Variants in MS4A5 observed in about 807,000 individuals in gnomAD.
MS4A5 encodes the protein membrane-spanning 4-domains subfamily A member 5.
In MS4A5, 15 loss-of-function variants were observed where a neutral mutation model predicts 18.2. The observed-to-expected ratio is 0.83, with a 90% CI of 0.55 to 1.27. The LOEUF (loss-of-function observed/expected upper bound fraction) is 1.27, where lower values mean the gene tolerates loss of function less well. Ranked by LOEUF, MS4A5 falls within the 50% of genes most tolerant of loss-of-function variation. MS4A5 has a pLI of 0.00. For missense variants in MS4A5, 232 were observed against 225.7 expected (o/e 1.03, Z -0.18); for synonymous variants, 89 against 78.7 (o/e 1.13, Z -0.69).
chr11:60,431,011 T>C (rs1265810340), intron 2 of MS4A5, 87 bp downstream of exon 2: 5 of 1,461,198 alleles, frequency 3.4e-6, no homozygotes, highest in Middle Eastern at 1.8e-4. Context: ...TAGATCCAGT[T>C]GTATGACATG....
At chr11:60,435,851 G>C (rs2086077039) in intron 4 of MS4A5, among the ~76,000 whole-genome samples, 1 of 152,132 alleles carries the variant, frequency 6.6e-6, no homozygotes, top group Non-Finnish European at 1.5e-5. Flanking sequence ...AGCAAGGCTG[G>C]GGGAGGGGCG....
intron 4 of MS4A5, among the ~76,000 whole-genome samples, chr11:60,446,000 T>C (rs922596848): frequency 1.3e-5 from 2 of 152,186 alleles, no homozygotes; most frequent in African/African-American, 2.4e-5. Context: ...AACCCAGATG[T>C]CTATCTCTAC....
chr11:60,429,698 T>C lies in MS4A5; in HGVS notation c.24T>C (p.Ser8=). The change falls in exon 1 of 5, where the codon AGT becomes AGC. Residue 8 remains serine, a synonymous_variant. Coordinates refer to ENST00000300190, the MANE Select transcript of MS4A5 (RefSeq NM_023945.3). MDSSTAH[S]PVFLVFPPEI... Reference sequence around the variant, plus strand: ...TCATGGATTCAAGCACCGCACACAGTCCGGTGTTTCTGGTATTTCCTCCAG... The same window carrying C: ...TCATGGATTCAAGCACCGCACACAGCCCGGTGTTTCTGGTATTTCCTCCAG... The C allele has an allele frequency of 6.2e-7, 1 of 1,613,650 alleles. No individual in the cohort carries two copies. Among genetic ancestry groups the C allele is most frequent in the Non-Finnish European group, 8.5e-7 (1 of 1,179,886 alleles).
intron 3 of MS4A5, among the ~76,000 whole-genome samples, chr11:60,433,193 C>T (rs1188227994): frequency 1.3e-5 from 2 of 152,166 alleles, no homozygotes; most frequent in African/African-American, 4.8e-5. Context: ...GAAAGGCAAA[C>T]TGTAGACAAT....
At chr11:60,437,682 T>C (rs1310513959) in intron 4 of MS4A5, among the ~76,000 whole-genome samples, 2 of 150,902 alleles carry the variant, frequency 1.3e-5, no homozygotes, top group Non-Finnish European at 3.0e-5. Context: ...AAGAAGGCCA[T>C]TACATAATGG....
chr11:60,435,674 G>A (rs188647958), intron 4 of MS4A5, among the ~76,000 whole-genome samples: 1 of 152,202 alleles, frequency 6.6e-6, no homozygotes, highest in Admixed American at 6.5e-5. Flanking sequence ...GGTGACGGAC[G>A]GCACCTAGAA....
chr11:60,434,972 C>A (rs537207201), intron 4 of MS4A5, among the ~76,000 whole-genome samples: 2 of 152,338 alleles, frequency 1.3e-5, no homozygotes, highest in Non-Finnish European at 2.9e-5. Context: ...ACAACGTACC[C>A]TGCCCCAAAA....
chr11:60,433,797 T>G lies in MS4A5; in HGVS notation c.372T>G (p.Ser124Arg). 6.2e-7 allele frequency: 1 copy of G among 1,614,022 alleles called. No individual in the cohort carries two copies. Among genetic ancestry groups the G allele is most frequent in the Non-Finnish European group, 8.5e-7 (1 of 1,179,848 alleles). ...IILSRIMNFL[S>R]ALGAIAGIIL... The stretch of plus-strand genomic sequence containing the variant: ...TGAGCCGAATAATGAATTTTCTTAG[T>G]GCCCTGGGAGCAATAGCTGGAATCA... The change falls in exon 4 of 5, where the codon AGT becomes AGG. Residue 124 changes from serine to arginine, a missense_variant. Ser to Arg is a moderately radical substitution (Grantham distance 110). Coordinates refer to ENST00000300190, the MANE Select transcript of MS4A5 (RefSeq NM_023945.3).
chr11:60,442,865 G>T (rs1379118126), intron 4 of MS4A5, among the ~76,000 whole-genome samples: 1 of 152,202 alleles, frequency 6.6e-6, no homozygotes, highest in African/African-American at 2.4e-5. Flanking sequence ...AAATAGCCAG[G>T]CGCAGTGGCT....
Position 60,447,659 on chromosome 11 carries a change from T to C in MS4A5, c.503T>C (p.Ile168Thr). The C allele has an allele frequency of 6.4e-7, 1 of 1,570,836 alleles. No homozygotes were observed. Among genetic ancestry groups the C allele is most frequent in the Non-Finnish European group, 8.6e-7 (1 of 1,161,948 alleles). Residue 168 changes from isoleucine to threonine, a missense_variant, in exon 5 of 5, where the codon ATT becomes ACT. Coordinates refer to ENST00000300190, the MANE Select transcript of MS4A5 (RefSeq NM_023945.3). ...AVTVLFLGIL[I>T]TLMTFSIIEL... The stretch of plus-strand genomic sequence containing the variant: ...CTTCTTCTATTACAGGGAATTTTGA[T>C]TACATTGATGACTTTCAGCATTATT...
intron 4 of MS4A5, among the ~76,000 whole-genome samples, chr11:60,445,870 G>C (rs894711238): frequency 4.6e-5 from 7 of 152,138 alleles, no homozygotes; most frequent in Non-Finnish European, 8.8e-5. Context: ...TTTATGGCTG[G>C]TATTTATCAC....
chr11:60,435,839 G>A (rs2086076834), intron 4 of MS4A5, among the ~76,000 whole-genome samples: 1 of 151,866 alleles, frequency 6.6e-6, no homozygotes, highest in East Asian at 1.9e-4. Flanking sequence ...CTGCAAGGCG[G>A]CAGCAAGGCT....
intron 4 of MS4A5, among the ~76,000 whole-genome samples, chr11:60,443,164 C>T (rs887281364): frequency 6.6e-5 from 10 of 151,990 alleles, no homozygotes; most frequent in African/African-American, 2.4e-4. Context: ...ACAACAAAAA[C>T]ACAATGAAAG....
intron 4 of MS4A5, among the ~76,000 whole-genome samples, chr11:60,445,015 C>T (rs543932725): frequency 5.3e-5 from 8 of 152,142 alleles, no homozygotes; most frequent in Non-Finnish European, 1.2e-4. Context: ...GAATACTTCT[C>T]AGCAATATAA....
intron 4 of MS4A5, among the ~76,000 whole-genome samples, chr11:60,447,433 T>C: frequency 6.6e-6 from 1 of 152,262 alleles, no homozygotes; most frequent in Non-Finnish European, 1.5e-5. Flanking sequence ...GGCTATGCTA[T>C]GCTATGCTAT....
chr11:60,431,673 A>G (rs764740657), intron 2 of MS4A5, among the ~76,000 whole-genome samples: 1 of 152,196 alleles, frequency 6.6e-6, no homozygotes, highest in African/African-American at 2.4e-5. Context: ...TAAAGGGTGA[A>G]TGGTTAATCA....
At chr11:60,432,314 A>G in intron 2 of MS4A5, 97 bp from the exon 3 acceptor site, 1 of 685,546 alleles carries the variant, frequency 1.5e-6, no homozygotes, top group Non-Finnish European at 2.4e-6. Context: ...TGAACTTAGA[A>G]GGCGGGCCTG....
At chr11:60,438,270 A>G (rs986500299) in intron 4 of MS4A5, among the ~76,000 whole-genome samples, 5 of 152,260 alleles carry the variant, frequency 3.3e-5, no homozygotes, top group Admixed American at 2.6e-4. Flanking sequence ...ATGCATTCAA[A>G]GCAGGATGTA....
intron 4 of MS4A5, among the ~76,000 whole-genome samples, chr11:60,434,381 T>C (rs1252313926): frequency 6.6e-6 from 1 of 152,118 alleles, no homozygotes; most frequent in African/African-American, 2.4e-5. Flanking sequence ...ATGTAAAAGG[T>C]TTGATCCACA....
Sources: gnomAD v4.1 joint callset for allele counts (sites outside exome capture counted in the v4.1 genomes callset) on GRCh38, gnomAD v4.1.1 for gene constraint, MANE v1.5 for transcripts, NCBI Gene and HGNC (gene_info 2026-07-23, HGNC 2026-07-21) for gene names.